LAMA1: variants seen among roughly 807,000 people sequenced by gnomAD.
LAMA1 encodes laminin subunit alpha-1.
Under a neutral mutation model 348.7 loss-of-function variants are expected in LAMA1, and 219 were observed. The observed-to-expected ratio is 0.63, with a 90% confidence interval of 0.56 to 0.70. LAMA1 has a LOEUF of 0.70. Among genes scored for constraint, LAMA1 ranks in the 30% least tolerant of loss-of-function variants. LAMA1 has a pLI of 0.00. For missense variants in LAMA1, 3,744 were observed against 3,888.0 expected (o/e 0.96, Z 0.99); for synonymous variants, 1,487 against 1,491.0 (o/e 1.00, Z 0.06).
chr18:6,949,947 T>C (rs1197215105), intron 58 of LAMA1, among the ~76,000 whole-genome samples: 1 of 152,254 alleles, frequency 6.6e-6, no homozygotes, highest in Non-Finnish European at 1.5e-5. Context: ...CTTTGCCCTT[T>C]TAAACTACTT....
rs1481116581 is a variant in LAMA1, at chr18:7,016,631, G to A, written c.2849C>T (p.Pro950Leu). The change falls in exon 21 of 63, where the codon CCC becomes CTC. Residue 950 changes from proline (P) to leucine (L), a missense_variant. Transcript: ENST00000389658. ...GGAGCCTGCCACGCTGCAGTTGCAG[G>A]GCCGGCAGCCATGGCCTGAGTCCAG... ...YGLDSGHGCR[P>L]CNCSVAGSVS... is the part of the protein sequence containing the mutation. 21 of 1,613,942 alleles carry A rather than the reference G, an allele frequency of 1.3e-5. No individual in the cohort carries two copies. The highest frequency in any genetic ancestry group is 1.7e-5 in the Non-Finnish European group (20 of 1,179,988).
chr18:7,107,811 G>A (rs1261024467), intron 1 of LAMA1, among the ~76,000 whole-genome samples: 12 of 151,456 alleles, frequency 7.9e-5, no homozygotes, highest in Non-Finnish European at 1.6e-4. Context: ...TCAGGAGATT[G>A]AGACCGTCCT....
intron 8 of LAMA1, 194 bp downstream of exon 8, chr18:7,043,032 CA>C: frequency 1.7e-6 from 1 of 605,566 alleles, no homozygotes; most frequent in Admixed American, 2.9e-5. Flanking sequence ...AGATAAATAA[CA>C]ATGACTGACA....
Position 6,978,185 on chromosome 18 carries a change from C to A in LAMA1, c.6190+11G>T, listed in dbSNP as rs371961926. On this transcript the variant is annotated intron_variant, in intron 43 of 62. Coordinates refer to ENST00000389658, the MANE Select transcript of LAMA1 (RefSeq NM_005559.4). ...AGACGATCATGACTGGAAGGAAGGG[C>A]GCTGACATACTGGCCATGGTGGAGT... 1.9e-6 allele frequency: 3 copies of A among 1,614,044 alleles called. No homozygotes were observed. The highest frequency in any genetic ancestry group is 2.5e-6 in the Non-Finnish European group (3 of 1,180,026).
intron 1 of LAMA1, among the ~76,000 whole-genome samples, chr18:7,107,361 A>G (rs1041073377): frequency 6.6e-6 from 1 of 151,516 alleles, no homozygotes; most frequent in East Asian, 2.0e-4. Flanking sequence ...CTCGTGATCC[A>G]CCCGCCTCCG....
At position 6,953,054 on chromosome 18, in the gene LAMA1, C is replaced by T. The variant is rs1011194324; in HGVS notation, c.8208-2083G>A. 3.1e-3 allele frequency among the ~76,000 whole-genome samples: 440 copies of T among 143,228 alleles called. 2 individuals carry two copies. Among genetic ancestry groups the T allele is most frequent in the African/African-American group, 0.011 (410 of 38,582 alleles). The allele number at this position is 143,228 out of a possible 152,430, so 94.0% of individuals were successfully genotyped here. Reference sequence around the variant, plus strand: ...CATGGGAGCCATGTCTGCCTGTGTCCGGCGGATCCACGCCATGGGAGCCAT... The same window carrying T: ...CATGGGAGCCATGTCTGCCTGTGTCTGGCGGATCCACGCCATGGGAGCCAT... On this transcript the variant is annotated intron_variant, in intron 57 of 62. Transcript: ENST00000389658.
chr18:7,072,711 C>A (rs2058150826), intron 3 of LAMA1, among the ~76,000 whole-genome samples: 1 of 152,162 alleles, frequency 6.6e-6, no homozygotes, highest in Admixed American at 6.5e-5. Flanking sequence ...GAGGGCTGCT[C>A]TGTCTCTGTG....
chr18:7,002,218 C>G (rs1216071529), intron 30 of LAMA1, 46 bp downstream of exon 30: 1 of 1,604,102 alleles, frequency 6.2e-7, no homozygotes, highest in East Asian at 2.2e-5. Context: ...GAACTGGAAG[C>G]AGCCCTGGGC....
chr18:7,099,578 A>G (rs2058283004), intron 1 of LAMA1, among the ~76,000 whole-genome samples: 1 of 152,124 alleles, frequency 6.6e-6, no homozygotes, highest in Admixed American at 6.5e-5. Context: ...TTAAGAGCTA[A>G]ATTATAAACT....
At chr18:6,987,039 G>GT (rs2057738557) in intron 36 of LAMA1, among the ~76,000 whole-genome samples, 2 of 152,246 alleles carry the variant, frequency 1.3e-5, no homozygotes, top group South Asian at 4.2e-4. Flanking sequence ...GATTACAGGC[G>GT]TAAGCCACTG....
At chr18:7,096,762 C>T (rs2058262877) in intron 1 of LAMA1, among the ~76,000 whole-genome samples, 1 of 151,996 alleles carries the variant, frequency 6.6e-6, no homozygotes, top group Admixed American at 6.6e-5. Context: ...TCTCTCCCAC[C>T]CAAAAAAATT....
At chr18:7,108,138 C>A (rs369599617) in intron 1 of LAMA1, among the ~76,000 whole-genome samples, 20 of 151,316 alleles carry the variant, frequency 1.3e-4, no homozygotes, top group African/African-American at 3.2e-4. Flanking sequence ...GAGTTCGAGA[C>A]AACCCTGACC....
intron 1 of LAMA1, among the ~76,000 whole-genome samples, chr18:7,110,573 G>GC (rs1205758454): frequency 1.3e-5 from 2 of 152,144 alleles, no homozygotes; most frequent in Non-Finnish European, 2.9e-5. Flanking sequence ...TGTAATCTCA[G>GC]CACTTTGAGA....
chr18:7,048,194 C>T (rs2058049349), intron 5 of LAMA1, among the ~76,000 whole-genome samples: 1 of 151,882 alleles, frequency 6.6e-6, no homozygotes, highest in Non-Finnish European at 1.5e-5. Flanking sequence ...TATTTTTTGT[C>T]CAATTTAAAA....
At position 6,943,318 on chromosome 18, in the gene LAMA1, A is replaced by G. The variant is rs1056418809; in HGVS notation, c.8929T>C (p.Trp2977Arg). Residue 2977 changes from tryptophan to arginine, a missense_variant, in exon 62 of 63, where the codon TGG becomes CGG. Coordinates refer to ENST00000389658, the MANE Select transcript of LAMA1 (RefSeq NM_005559.4). ...CTTTTGTTAGCTTGAAGAGTGTGCC[A>G]TTTTCCATCACAGAGCACAGTGGCG... ...KTATVLCDGK[W>R]HTLQANKSKH... 2 of 1,613,964 alleles carry G rather than the reference A, an allele frequency of 1.2e-6. No individual in the cohort carries two copies. Among genetic ancestry groups the G allele is most frequent in the African/African-American group, 2.7e-5 (2 of 74,884 alleles).
chr18:6,983,238 T>A lies in LAMA1; in HGVS notation c.5661-4A>T. ...ATTTCTGATGTTTTCAAGGCCACTA[T>A]CAAAGCAGCATATTTAGATACGTTA... On this transcript the variant is annotated splice_polypyrimidine_tract_variant and splice_region_variant and intron_variant, in intron 39 of 62. Transcript: ENST00000389658. The A allele has an allele frequency of 6.2e-6, 10 of 1,614,194 alleles. No individual in the cohort carries two copies. Among genetic ancestry groups the A allele is most frequent in the Non-Finnish European group, 8.5e-6 (10 of 1,180,022 alleles).
intron 1 of LAMA1, among the ~76,000 whole-genome samples, chr18:7,096,373 C>T (rs1451665549): frequency 1.3e-5 from 2 of 152,140 alleles, no homozygotes; most frequent in African/African-American, 4.8e-5. Context: ...TAGTCAAGGT[C>T]TCCATATCAA....
chr18:7,012,495 TTA>T (rs572217218), intron 23 of LAMA1, among the ~76,000 whole-genome samples: 1,421 of 125,822 alleles, frequency 0.011, 9 homozygotes, highest in Middle Eastern at 0.034. Context: ...ATTATTATTA[TTA>T]TATTATTATT....
At chr18:7,026,241 G>A in intron 16 of LAMA1, 135 bp from the exon 17 acceptor site, 1 of 975,042 alleles carries the variant, frequency 1.0e-6, no homozygotes, top group Middle Eastern at 2.2e-4. Flanking sequence ...TGAGCTATAT[G>A]AGGAAGGCCT....
Sources: gnomAD v4.1 joint callset for allele counts (sites outside exome capture counted in the v4.1 genomes callset) on GRCh38, gnomAD v4.1.1 for gene constraint, MANE v1.5 for transcripts, NCBI Gene and HGNC (gene_info 2026-07-23, HGNC 2026-07-21) for gene names.